Variants in DCTPP1 observed in about 807,000 individuals in gnomAD.
DCTPP1 encodes the protein dCTP pyrophosphatase 1, also known as XTP3-transactivated gene A protein.
Under a neutral mutation model 8.8 loss-of-function variants are expected in DCTPP1, and 8 were observed. The ratio of observed to expected loss-of-function variants is 0.91; its 90% confidence interval spans 0.54 to 1.64. The LOEUF is 1.64. Ranked by LOEUF, DCTPP1 falls within the 40% of genes most tolerant of loss-of-function variation. The pLI is 0.00. For missense variants in DCTPP1, 231 were observed against 230.4 expected, an observed-to-expected ratio of 1.00 and a Z score of -0.02; for synonymous variants, 85 against 92.1, an observed-to-expected ratio of 0.92 and a Z score of 0.44.
chr16:30,429,841 G>C (rs952707983), intron 1 of DCTPP1, 39 bp downstream of exon 1: 2 of 1,569,924 alleles, frequency 1.3e-6, no homozygotes, highest in Non-Finnish European at 1.7e-6. Flanking sequence ...GGGAGAAAGG[G>C]GCGACTTCCC....
At chr16:30,429,628 T>TG in intron 1 of DCTPP1, 1 of 487,254 alleles carries the variant, frequency 2.1e-6, no homozygotes, top group Non-Finnish European at 3.6e-6. Context: ...CTGGTGCCGG[T>TG]ATCTTCCCAG....
rs935543111 is a variant in DCTPP1 at position 30,424,521 on chromosome 16, G to A, written c.225C>T (p.Thr75=). ...AGCCTTGGGGGCCAGGTTCCCCATC[G>A]GTTTTCCACTGACTAGGGGCAGAAC... ...GELAELFQWK[T]DGEPGPQGWS... is the part of the protein sequence containing the mutation. Residue 75 remains threonine (T), a synonymous_variant, in exon 3 of 3, where the codon ACC becomes ACT. Coordinates refer to ENST00000319285, the MANE Select transcript of DCTPP1 (RefSeq NM_024096.2). The A allele has an allele frequency of 7.4e-6, 12 of 1,613,554 alleles. No homozygotes were observed. In the East Asian group the frequency reaches 1.3e-4, roughly 18 times the overall value.
At chr16:30,424,723 G>A (rs1266691082) in intron 2 of DCTPP1, among the ~76,000 whole-genome samples, 190 bp from the exon 3 acceptor site, 1 of 152,186 alleles carries the variant, frequency 6.6e-6, no homozygotes, top group Non-Finnish European at 1.5e-5. Flanking sequence ...GCCAAGGAGT[G>A]GCCAAAAGAA....
chr16:30,427,095 C>T (rs1329271530), intron 2 of DCTPP1, among the ~76,000 whole-genome samples: 16 of 148,980 alleles, frequency 1.1e-4, no homozygotes, highest in Admixed American at 9.3e-4. Flanking sequence ...CTGCAAGCTC[C>T]GCCTCCTGGG....
rs1177738206 is a variant in DCTPP1, at chr16:30,423,709, C to T, written c.*524G>A. 1 of 157,160 alleles carries T rather than the reference C, an allele frequency of 6.4e-6. No individual in the cohort carries two copies. The highest frequency in any genetic ancestry group is 1.4e-5 in the Non-Finnish European group (1 of 71,398). 9.7% of individuals were successfully genotyped at this position (157,160 alleles called of 1,614,324 possible). On this transcript the variant is annotated 3_prime_UTR_variant, in exon 3 of 3. Coordinates refer to ENST00000319285, the MANE Select transcript of DCTPP1 (RefSeq NM_024096.2). ...ACCTCACGACCCTATTGGGCAGGTACTATTCTTTTTATTTGATAGACAAGG... is the reference window on the plus strand; with the variant it reads ...ACCTCACGACCCTATTGGGCAGGTATTATTCTTTTTATTTGATAGACAAGG...
chr16:30,425,847 A>AC (rs1157751636), intron 2 of DCTPP1, among the ~76,000 whole-genome samples: 1 of 151,960 alleles, frequency 6.6e-6, no homozygotes, highest in African/African-American at 2.4e-5. Flanking sequence ...ACAAAACGAG[A>AC]CCCCACAAAT....
At chr16:30,429,457 C>A (rs1459701188) in intron 1 of DCTPP1, 4 of 418,166 alleles carry the variant, frequency 9.6e-6, no homozygotes, top group African/African-American at 2.1e-5. Context: ...CCTGGAATCG[C>A]CGCACATCAA....
Position 30,424,104 on chromosome 16 carries a change from C to T in DCTPP1, c.*129G>A. 2 of 1,189,214 alleles carry T rather than the reference C, an allele frequency of 1.7e-6. No individual in the cohort carries two copies. The highest frequency in any genetic ancestry group is 2.3e-6 in the Non-Finnish European group (2 of 870,286). The allele number at this position is 1,189,214 out of a possible 1,614,324, so 73.7% of individuals were successfully genotyped here. On this transcript the variant is annotated 3_prime_UTR_variant, in exon 3 of 3. Coordinates refer to ENST00000319285, the MANE Select transcript of DCTPP1 (RefSeq NM_024096.2). ...GGCTACCTTCTAGAGGCTGCTGGGC[C>T]TCAGACCTCAAGAAGTGGAGGCCTC... is the stretch of plus-strand genomic sequence containing the variant.
intron 2 of DCTPP1, among the ~76,000 whole-genome samples, chr16:30,425,020 A>G (rs2050185166): frequency 6.6e-6 from 1 of 152,262 alleles, no homozygotes; most frequent in Admixed American, 6.5e-5. Flanking sequence ...TGCTGGGATT[A>G]CAGGCATGTG....
intron 2 of DCTPP1, among the ~76,000 whole-genome samples, chr16:30,426,270 G>A (rs1377340851): frequency 1.3e-5 from 2 of 152,126 alleles, no homozygotes; most frequent in African/African-American, 4.8e-5. Context: ...CCGCCTCCCA[G>A]GTTCACGCCA....
Position 30,424,323 on chromosome 16 carries a change from A to G in DCTPP1, c.423T>C (p.Tyr141=), listed in dbSNP as rs2050179915. The change falls in exon 3 of 3, where the codon TAT becomes TAC. Residue 141 remains tyrosine (Y), a synonymous_variant. Transcript: ENST00000319285. ...AHLARSSSRK[Y]TELPHGAISE... ...AGATGGCCCCATGGGGCAATTCTGT[A>G]TACTTGCGGGAAGAGCTGCGGGCCA... 1 of 1,614,232 alleles carries G rather than the reference A, an allele frequency of 6.2e-7. No individual in the cohort carries two copies. Among genetic ancestry groups the G allele is most frequent in the Non-Finnish European group, 8.5e-7 (1 of 1,180,044 alleles).
intron 2 of DCTPP1, chr16:30,428,745 C>T (rs548086657): frequency 7.1e-5 from 29 of 407,664 alleles, no homozygotes; most frequent in Non-Finnish European, 1.2e-4. Flanking sequence ...CCAGCCTGGG[C>T]GACAGAGCGA....
chr16:30,429,880 A>G lies in DCTPP1; in HGVS notation c.101T>C (p.Ile34Thr). The change falls in exon 1 of 3, where the codon ATC becomes ACC. Residue 34 changes from isoleucine to threonine, a missense_variant and splice_region_variant. By Grantham distance (89) the Ile-to-Thr change is moderately conservative. Transcript: ENST00000319285. ...CCCGAGCTGGGCCAGGCCTGCTTAC[A>G]TGTCCTCGAGCGTGGGCTCCGGGCT... Reference protein sequence around the residue: ...SFSPEPTLEDIRRLHAEFAAE... With the variant: ...SFSPEPTLEDTRRLHAEFAAE... 6.3e-7 allele frequency: 1 copy of G among 1,598,516 alleles called. No homozygotes were observed. The highest frequency in any genetic ancestry group is 1.1e-5 in the South Asian group (1 of 90,150).
At chr16:30,428,960 G>A in intron 2 of DCTPP1, 97 bp downstream of exon 2, 2 of 1,282,760 alleles carry the variant, frequency 1.6e-6, no homozygotes, top group South Asian at 1.4e-5. Flanking sequence ...GCAATCAGGA[G>A]GGGAAACTGA....
intron 1 of DCTPP1, 126 bp from the exon 2 acceptor site, chr16:30,429,293 G>C: frequency 1.1e-6 from 1 of 895,616 alleles, no homozygotes. Context: ...CTAATTCATT[G>C]GATGGTATTG....
chr16:30,429,257 G>C, intron 1 of DCTPP1, 90 bp from the exon 2 acceptor site: 1 of 1,305,558 alleles, frequency 7.7e-7, no homozygotes, highest in Non-Finnish European at 1.1e-6. Flanking sequence ...GTATGTAATG[G>C]GGCCTGGGAC....
chr16:30,426,005 T>C (rs987944874), intron 2 of DCTPP1, among the ~76,000 whole-genome samples: 1 of 152,184 alleles, frequency 6.6e-6, no homozygotes, highest in East Asian at 1.9e-4. Context: ...AAGGCCACTT[T>C]GGCTTGTTCT....
chr16:30,428,808 G>C (rs897542857), intron 2 of DCTPP1: 3 of 422,340 alleles, frequency 7.1e-6, no homozygotes, highest in African/African-American at 6.1e-5. Flanking sequence ...AAGGGAAAAG[G>C]GTTGTTGCCA....
chr16:30,428,569 A>G (rs2050206915), intron 2 of DCTPP1, among the ~76,000 whole-genome samples: 1 of 151,844 alleles, frequency 6.6e-6, no homozygotes. Context: ...CAGGAATTTG[A>G]GACTAGCCTG....
Sources: allele counts gnomAD v4.1 joint callset (sites outside exome capture counted in the v4.1 genomes callset), GRCh38; gene constraint gnomAD v4.1.1; transcripts MANE v1.5; gene names NCBI Gene and HGNC (gene_info 2026-07-23, HGNC 2026-07-21).